Variants in PALM2AKAP2 observed in about 807,000 individuals in gnomAD.
PALM2AKAP2 encodes the protein PALM2 and AKAP2 fusion, also known as PALM2-AKAP2 fusion protein.
PALM2AKAP2 carries 37 observed loss-of-function variants against 71.5 expected under a neutral mutation model. That is an observed-to-expected ratio of 0.52 (90% CI 0.40 to 0.68). The LOEUF (loss-of-function observed/expected upper bound fraction) is 0.68, where lower values mean the gene tolerates loss of function less well. Among genes scored for constraint, PALM2AKAP2 ranks in the 30% least tolerant of loss-of-function variants. The probability of loss-of-function intolerance (pLI) is 0.00; values close to 1 mark genes in which losing one functional copy is unlikely to be tolerated. For missense variants in PALM2AKAP2, 1,224 were observed against 1,191.8 expected (o/e 1.03, Z -0.40); for synonymous variants, 468 against 478.8 (o/e 0.98, Z 0.29).
chr9:109,665,988 TG>T (rs1356341385), intron 1 of PALM2AKAP2, among the ~76,000 whole-genome samples: 1 of 152,186 alleles, frequency 6.6e-6, no homozygotes, highest in East Asian at 1.9e-4. Context: ...GTGTGGGAGG[TG>T]CACAGCCAGG....
At chr9:110,110,235 A>G (rs1835215416) in intron 1 of PALM2AKAP2, among the ~76,000 whole-genome samples, 1 of 152,210 alleles carries the variant, frequency 6.6e-6, no homozygotes, top group Non-Finnish European at 1.5e-5. Flanking sequence ...GAATAAATAA[A>G]TAGTCCGAGG....
At chr9:109,773,154 A>G (rs1299464979) in intron 1 of PALM2AKAP2, among the ~76,000 whole-genome samples, 1 of 150,322 alleles carries the variant, frequency 6.7e-6, no homozygotes, top group Non-Finnish European at 1.5e-5. Context: ...TTTTTTTTTG[A>G]TATGGGGTTC....
At chr9:109,871,662 C>T (rs928373676) in intron 2 of PALM2AKAP2, among the ~76,000 whole-genome samples, 1 of 152,176 alleles carries the variant, frequency 6.6e-6, no homozygotes. Context: ...CCATCATTCA[C>T]AGGGCTCACC....
At chr9:109,674,629 C>T (rs1417132281) in intron 1 of PALM2AKAP2, among the ~76,000 whole-genome samples, 1 of 151,922 alleles carries the variant, frequency 6.6e-6, no homozygotes, top group Admixed American at 6.6e-5. Context: ...CCAAGGTGTT[C>T]AACAAGTCCC....
At chr9:110,092,480 A>G (rs937009566) in intron 1 of PALM2AKAP2, among the ~76,000 whole-genome samples, 1 of 152,224 alleles carries the variant, frequency 6.6e-6, no homozygotes, top group African/African-American at 2.4e-5. Context: ...ACCCAAAGAA[A>G]TTTGTAATAA....
At position 109,694,865 on chromosome 9, in the gene PALM2AKAP2, C is replaced by T. The variant is rs187164158; in HGVS notation, c.5+53999C>T. ...GAAAAAGAAAGGGAGTCCAGAAATA[C>T]ACCCAAATACTTATAGGAACTTATG... On this transcript the variant is annotated intron_variant, in intron 1 of 6. Transcript: ENST00000374531. 1.2e-3 allele frequency among the ~76,000 whole-genome samples: 179 copies of T among 152,144 alleles called. 1 individual carries two copies. The highest frequency in any genetic ancestry group is 4.0e-3 in the African/African-American group (168 of 41,554).
In PALM2AKAP2 at chr9:110,009,672, C is replaced by T. The variant is rs371163728; in HGVS notation, c.497-6282C>T. Among the ~76,000 whole-genome samples, 46 of 150,294 alleles carry T rather than the reference C, an allele frequency of 3.1e-4. No homozygotes were observed. The East Asian group carries it at 7.8e-3, about 25-fold the overall frequency. On this transcript the variant is annotated intron_variant, in intron 6 of 9. Transcript: ENST00000302798. The stretch of plus-strand genomic sequence containing the variant: ...GAGCTTGCAGTGAGCTGAGATCACG[C>T]CACTGCACTCCAGCCTGGGCAACAA...
At chr9:109,647,699 C>G (rs76454161) in intron 1 of PALM2AKAP2, among the ~76,000 whole-genome samples, 2,453 of 152,280 alleles carry the variant, frequency 0.016, 28 homozygotes, top group Middle Eastern at 0.041. Context: ...TGCTCTTGCT[C>G]TGTCTACTTG....
intron 6 of PALM2AKAP2, among the ~76,000 whole-genome samples, chr9:109,966,136 A>C (rs1381745074): frequency 6.6e-6 from 1 of 152,204 alleles, no homozygotes; most frequent in Non-Finnish European, 1.5e-5. Flanking sequence ...CACTAAAACT[A>C]TCTGGGCAGG....
At chr9:110,118,785 A>T (rs1438302868) in intron 1 of PALM2AKAP2, among the ~76,000 whole-genome samples, 1 of 152,214 alleles carries the variant, frequency 6.6e-6, no homozygotes, top group Non-Finnish European at 1.5e-5. Context: ...CATTCCAGAG[A>T]AAATCTCTGT....
intron 1 of PALM2AKAP2, among the ~76,000 whole-genome samples, chr9:109,672,053 G>A (rs1439577220): frequency 6.6e-6 from 1 of 152,098 alleles, no homozygotes; most frequent in Non-Finnish European, 1.5e-5. Context: ...CTGCAAACAG[G>A]GATAGTTCAA....
intron 6 of PALM2AKAP2, among the ~76,000 whole-genome samples, chr9:109,987,289 C>T (rs902157708): frequency 6.6e-6 from 1 of 152,070 alleles, no homozygotes; most frequent in Non-Finnish European, 1.5e-5. Context: ...CGCCACCACA[C>T]CTGGCTTATT....
At chr9:109,900,015 G>A (rs1425918312) in intron 3 of PALM2AKAP2, among the ~76,000 whole-genome samples, 1 of 152,188 alleles carries the variant, frequency 6.6e-6, no homozygotes, top group Non-Finnish European at 1.5e-5. Flanking sequence ...TTAGTACACT[G>A]CCAGGCTCAA....
At chr9:109,943,008 T>C in intron 6 of PALM2AKAP2, 1 of 1,614,154 alleles carries the variant, frequency 6.2e-7, no homozygotes, top group Non-Finnish European at 8.5e-7. Context: ...GCAAAGAAGC[T>C]AAGTTAGAAA....
chr9:110,034,695 C>CACTGCAA (rs1379584568), intron 7 of PALM2AKAP2, among the ~76,000 whole-genome samples: 1 of 147,378 alleles, frequency 6.8e-6, no homozygotes, highest in African/African-American at 2.6e-5. Flanking sequence ...ACCTCTGCTT[C>CACTGCAA]CCAGGCTCAA....
At chr9:110,022,746 A>T (rs1326494553) in intron 7 of PALM2AKAP2, among the ~76,000 whole-genome samples, 2 of 150,662 alleles carry the variant, frequency 1.3e-5, no homozygotes, top group South Asian at 2.1e-4. Context: ...ACCCCACAAC[A>T]GTCCCCGGAG....
intron 1 of PALM2AKAP2, among the ~76,000 whole-genome samples, chr9:109,726,410 G>A (rs879462689): frequency 5.9e-5 from 9 of 152,230 alleles, no homozygotes; most frequent in African/African-American, 1.4e-4. Flanking sequence ...CCTGTACTGC[G>A]TTCAGTGGTG....
intron 1 of PALM2AKAP2, among the ~76,000 whole-genome samples, chr9:109,856,133 G>A (rs561739793): frequency 6.6e-6 from 1 of 152,268 alleles, no homozygotes; most frequent in East Asian, 1.9e-4. Flanking sequence ...AGAGCAATTT[G>A]TCCCTATTAG....
chr9:109,983,136 G>A (rs747497689), intron 6 of PALM2AKAP2, among the ~76,000 whole-genome samples: 5 of 152,236 alleles, frequency 3.3e-5, no homozygotes, highest in African/African-American at 4.8e-5. Context: ...TTCTATGAGA[G>A]TGGGGATTCC....
Sources: gnomAD v4.1 joint callset for allele counts (sites outside exome capture counted in the v4.1 genomes callset) on GRCh38, gnomAD v4.1.1 for gene constraint, MANE v1.5 for transcripts, NCBI Gene and HGNC (gene_info 2026-07-23, HGNC 2026-07-21) for gene names.